VPS41: variants seen among roughly 807,000 people sequenced by gnomAD.
VPS41 encodes VPS41 subunit of HOPS complex.
A neutral mutation model predicts 130.9 loss-of-function variants in VPS41; 85 were observed. The ratio of observed to expected loss-of-function variants is 0.65; its 90% CI spans 0.55 to 0.78. The LOEUF (loss-of-function observed/expected upper bound fraction) is 0.78. Ranked by LOEUF, VPS41 falls within the 30% of genes least tolerant of loss-of-function variation. The pLI is 0.00. For missense variants in VPS41, 874 were observed against 1,018.7 expected, an observed-to-expected ratio of 0.86 and a Z score of 1.93; for synonymous variants, 335 against 332.9, an observed-to-expected ratio of 1.01 and a Z score of -0.07.
At chr7:38,871,794 C>CA (rs1278795103) in intron 2 of VPS41, among the ~76,000 whole-genome samples, 1 of 152,116 alleles carries the variant, frequency 6.6e-6, no homozygotes, top group African/African-American at 2.4e-5. Flanking sequence ...TGTTGTGTAA[C>CA]AAATTATGCC....
intron 9 of VPS41, 35 bp downstream of exon 9, chr7:38,795,427 TAAC>T (rs1324667124): frequency 1.9e-6 from 3 of 1,587,258 alleles, no homozygotes; most frequent in South Asian, 1.2e-5. Context: ...AGTGGATCTA[TAAC>T]AACACGGACT....
rs1378339954 is a variant in VPS41 at position 38,743,388 on chromosome 7, G to A, written c.2122+14C>T. The A allele has an allele frequency of 6.2e-7, 1 of 1,613,420 alleles. No homozygotes were observed. Among genetic ancestry groups the A allele is most frequent in the Non-Finnish European group, 8.5e-7 (1 of 1,179,664 alleles). ...GAAAAAAAAGTTATAACCAGAGATG[G>A]CTTTTATGCTTACGTGGTTTGTCAA... On this transcript the variant is annotated intron_variant, in intron 24 of 28. Transcript: ENST00000310301.
At chr7:38,847,072 A>C (rs1260876497) in intron 4 of VPS41, among the ~76,000 whole-genome samples, 2 of 152,226 alleles carry the variant, frequency 1.3e-5, no homozygotes, top group East Asian at 3.8e-4. Context: ...ACTTAAAAAG[A>C]TAAGCTGTCA....
intron 2 of VPS41, 48 bp from the exon 3 acceptor site, chr7:38,869,301 T>G: frequency 7.3e-7 from 1 of 1,372,122 alleles, no homozygotes; most frequent in Non-Finnish European, 1.0e-6. Context: ...ATTTATTTGT[T>G]TTGAAAACCT....
chr7:38,780,045 T>C (rs1265950091), intron 10 of VPS41, among the ~76,000 whole-genome samples: 1 of 152,126 alleles, frequency 6.6e-6, no homozygotes, highest in Non-Finnish European at 1.5e-5. Context: ...GGCTGTCAGT[T>C]CTAATACTAC....
At chr7:38,743,920 GACTT>G (rs1399694997) in intron 23 of VPS41, among the ~76,000 whole-genome samples, 1 of 152,120 alleles carries the variant, frequency 6.6e-6, no homozygotes, top group African/African-American at 2.4e-5. Flanking sequence ...GTCATACTCT[GACTT>G]ACTTTTGATA....
chr7:38,887,095 A>G (rs1269983628), intron 2 of VPS41, among the ~76,000 whole-genome samples: 1 of 152,236 alleles, frequency 6.6e-6, no homozygotes, highest in Admixed American at 6.5e-5. Flanking sequence ...AAGGCAGAAA[A>G]TTCTAAAAAC....
chr7:38,729,227 A>G (rs1165045484), intron 25 of VPS41, among the ~76,000 whole-genome samples: 3 of 152,160 alleles, frequency 2.0e-5, no homozygotes, highest in South Asian at 4.1e-4. Flanking sequence ...AAAATCATCA[A>G]TTTATTTCAT....
chr7:38,800,794 C>T (rs966917153), intron 7 of VPS41, among the ~76,000 whole-genome samples: 5 of 152,114 alleles, frequency 3.3e-5, no homozygotes, highest in Non-Finnish European at 7.3e-5. Context: ...CAAGATTGTG[C>T]CATTGCACTC....
chr7:38,728,901 A>C (rs577099224), intron 25 of VPS41, 110 bp from the exon 26 acceptor site: 7 of 931,192 alleles, frequency 7.5e-6, no homozygotes, highest in South Asian at 4.8e-5. Flanking sequence ...AATACTCAAA[A>C]GGGGCACTCA....
intron 7 of VPS41, among the ~76,000 whole-genome samples, chr7:38,815,521 T>C (rs1290182800): frequency 2.6e-5 from 4 of 152,198 alleles, no homozygotes; most frequent in Non-Finnish European, 5.9e-5. Context: ...CTATTATCAC[T>C]GTGATGGTTA....
At chr7:38,869,490 T>G (rs1266484863) in intron 2 of VPS41, among the ~76,000 whole-genome samples, 1 of 152,216 alleles carries the variant, frequency 6.6e-6, no homozygotes, top group Non-Finnish European at 1.5e-5. Context: ...CTTGGTGTTA[T>G]ATTGTCACTA....
intron 2 of VPS41, among the ~76,000 whole-genome samples, chr7:38,886,044 C>T (rs1292894039): frequency 6.6e-6 from 1 of 151,914 alleles, no homozygotes; most frequent in Admixed American, 6.6e-5. Flanking sequence ...TCCAAGATGG[C>T]CAAACAGGAA....
At chr7:38,872,810 A>T (rs10258064) in intron 2 of VPS41, among the ~76,000 whole-genome samples, 43,289 of 151,938 alleles carry the variant, frequency 0.28, 7,205 homozygotes, top group Non-Finnish European at 0.39. Flanking sequence ...TACTTATGTA[A>T]ATACAAGCAA....
At chr7:38,732,798 C>G (rs192756687) in intron 25 of VPS41, among the ~76,000 whole-genome samples, 1 of 152,226 alleles carries the variant, frequency 6.6e-6, no homozygotes, top group African/African-American at 2.4e-5. Context: ...GTAAATGTAA[C>G]ACAGAAGCTG....
intron 4 of VPS41, among the ~76,000 whole-genome samples, chr7:38,849,866 G>A (rs1206629314): frequency 6.6e-6 from 1 of 152,078 alleles, no homozygotes; most frequent in African/African-American, 2.4e-5. Flanking sequence ...AGGCCCAGGG[G>A]TGGAGCCCTA....
At chr7:38,884,580 C>T (rs1288310011) in intron 2 of VPS41, among the ~76,000 whole-genome samples, 1 of 151,940 alleles carries the variant, frequency 6.6e-6, no homozygotes, top group Non-Finnish European at 1.5e-5. Flanking sequence ...GTCTTGAACT[C>T]GTGACCTCAA....
At chr7:38,870,998 T>C (rs1045578873) in intron 2 of VPS41, among the ~76,000 whole-genome samples, 5 of 151,464 alleles carry the variant, frequency 3.3e-5, no homozygotes, top group African/African-American at 1.2e-4. Flanking sequence ...GGAAAATATG[T>C]AAAGGAATCT....
At chr7:38,859,432 G>T (rs894446981) in intron 4 of VPS41, among the ~76,000 whole-genome samples, 15 of 151,956 alleles carry the variant, frequency 9.9e-5, no homozygotes, top group Non-Finnish European at 4.4e-5. Flanking sequence ...TTCCAGTCCT[G>T]TAAGTTCCAT....
Sources: allele counts gnomAD v4.1 joint callset (sites outside exome capture counted in the v4.1 genomes callset), GRCh38; gene constraint gnomAD v4.1.1; transcripts MANE v1.5; gene names NCBI Gene and HGNC (gene_info 2026-07-23, HGNC 2026-07-21).